Variants in DENND1A observed in about 807,000 individuals in gnomAD.
DENND1A encodes DENN domain-containing protein 1A.
In DENND1A, 51 loss-of-function variants were observed where a neutral mutation model predicts 113.7. The observed-to-expected ratio is 0.45, with a 90% confidence interval of 0.36 to 0.57. The LOEUF is 0.57. Ranked by LOEUF, DENND1A falls within the 20% of genes least tolerant of loss-of-function variation. The probability of loss-of-function intolerance (pLI) is 0.00; values close to 1 mark genes in which losing one functional copy is unlikely to be tolerated. For synonymous variants in DENND1A, 565 were observed against 570.8 expected (o/e 0.99, Z 0.14); for missense variants, 1,258 against 1,395.9 (o/e 0.90, Z 1.57).
At chr9:123,854,939 T>A (rs1035365010) in intron 2 of DENND1A, among the ~76,000 whole-genome samples, 1 of 150,974 alleles carries the variant, frequency 6.6e-6, no homozygotes, top group Non-Finnish European at 1.5e-5. Context: ...ATCCTTCATA[T>A]ACTCTAAATC....
rs1380773648 is a variant in DENND1A at position 123,411,806 on chromosome 9, T to G, written c.1512A>C (p.Arg504=). ...FGQLQRLRPT[R]PPPKIQRSRP... Reference sequence around the variant, plus strand: ...TCGAGCGCTGTATCTTGGGAGGCGGTCGGGTGGGACGCAGTCTCTGCAGCT... The same window carrying G: ...TCGAGCGCTGTATCTTGGGAGGCGGGCGGGTGGGACGCAGTCTCTGCAGCT... The change falls in exon 20 of 24, where the codon CGA becomes CGC. Residue 504 remains arginine, a synonymous_variant. Coordinates refer to ENST00000394215, the MANE Select transcript of DENND1A (RefSeq NM_001352964.2). The G allele has an allele frequency of 1.0e-6, 1 of 985,636 alleles. No homozygotes were observed. Among genetic ancestry groups the G allele is most frequent in the Non-Finnish European group, 1.2e-6 (1 of 830,018 alleles). 61.1% of individuals were successfully genotyped at this position (985,636 alleles called of 1,614,324 possible).
chr9:123,918,130 T>C (rs1440704937), intron 1 of DENND1A, among the ~76,000 whole-genome samples: 1 of 146,580 alleles, frequency 6.8e-6, no homozygotes, highest in Non-Finnish European at 1.5e-5. Flanking sequence ...AATAAATAAA[T>C]AAATAAATAA....
chr9:123,755,121 ATT>A (rs59565749), intron 5 of DENND1A, among the ~76,000 whole-genome samples: 129 of 132,752 alleles, frequency 9.7e-4, no homozygotes, highest in African/African-American at 1.4e-3. Context: ...TTATACACAG[ATT>A]TTTTTTTTTT....
At chr9:123,661,694 CAG>C (rs977764289) in intron 8 of DENND1A, among the ~76,000 whole-genome samples, 1 of 152,070 alleles carries the variant, frequency 6.6e-6, no homozygotes, top group Non-Finnish European at 1.5e-5. Flanking sequence ...ATAAAACAAA[CAG>C]AAGATAGGAA....
chr9:123,566,283 GT>G (rs1162035055), intron 12 of DENND1A, among the ~76,000 whole-genome samples: 12 of 152,108 alleles, frequency 7.9e-5, no homozygotes, highest in Admixed American at 2.0e-4. Flanking sequence ...TGAGAACATG[GT>G]TGTACCTTGA....
chr9:123,827,902 A>G (rs1266773869), intron 2 of DENND1A, among the ~76,000 whole-genome samples: 1 of 152,190 alleles, frequency 6.6e-6, no homozygotes, highest in Non-Finnish European at 1.5e-5. Flanking sequence ...AACAAAATTA[A>G]TATAAATCCT....
chr9:123,603,325 C>A (rs371049666), intron 11 of DENND1A, among the ~76,000 whole-genome samples: 1 of 152,062 alleles, frequency 6.6e-6, no homozygotes, highest in African/African-American at 2.4e-5. Flanking sequence ...ATAAATGAAT[C>A]CTATATTATT....
chr9:123,528,690 G>A (rs557819604), intron 13 of DENND1A, among the ~76,000 whole-genome samples: 2 of 152,176 alleles, frequency 1.3e-5, no homozygotes, highest in Non-Finnish European at 2.9e-5. Flanking sequence ...TCCAGAAAGG[G>A]AAATGCTCCC....
intron 18 of DENND1A, among the ~76,000 whole-genome samples, chr9:123,448,236 G>A (rs943704441): frequency 9.9e-5 from 15 of 152,280 alleles, no homozygotes; most frequent in African/African-American, 3.1e-4. Context: ...GAGAGTGGAA[G>A]GAAAGTGATC....
chr9:123,381,571 G>A lies in DENND1A; in HGVS notation c.3074C>T (p.Pro1025Leu), dbSNP rs955180567. Residue 1025 changes from proline (P) to leucine (L), a missense_variant, in exon 24 of 24, where the codon CCC (proline) becomes CTC (leucine). Physicochemically the swap from Pro to Leu is moderately conservative, Grantham distance 98. This residue lies in a region of DENND1A where 1,159 missense variants were observed against 1,231.7 expected (regional missense o/e 0.94). Coordinates refer to ENST00000394215, the MANE Select transcript of DENND1A (RefSeq NM_001352964.2). This position sits in a 1 kb window ranked among gnomAD's most constrained non-coding sequence, Gnocchi z 4.7. ...PPQGLEPTLQ[P>L]SAPQQARDPF... Reference sequence around the variant, plus strand: ...GTCTCTGGCCTGTTGAGGAGCAGAGGGCTGCAGTGTTGGCTCCAGGCCTTG... The same window carrying A: ...GTCTCTGGCCTGTTGAGGAGCAGAGAGCTGCAGTGTTGGCTCCAGGCCTTG... 1.2e-6 allele frequency: 2 copies of A among 1,613,698 alleles called. No homozygotes were observed. Among genetic ancestry groups the A allele is most frequent in the South Asian group, 2.2e-5 (2 of 91,082 alleles).
intron 13 of DENND1A, among the ~76,000 whole-genome samples, chr9:123,545,826 A>T (rs1489904183): frequency 2.0e-5 from 3 of 152,114 alleles, no homozygotes; most frequent in Admixed American, 2.0e-4. Flanking sequence ...GTCACTTAGC[A>T]CCATTTCAGG....
chr9:123,678,817 A>G (rs532257084), intron 5 of DENND1A, among the ~76,000 whole-genome samples: 1 of 152,370 alleles, frequency 6.6e-6, no homozygotes, highest in Non-Finnish European at 1.5e-5. Context: ...TTACATAGCA[A>G]ATGACTGCTG....
intron 5 of DENND1A, 147 bp from the exon 6 acceptor site, chr9:123,676,936 A>T: frequency 1.3e-6 from 1 of 751,700 alleles, no homozygotes; most frequent in Non-Finnish European, 2.2e-6. Flanking sequence ...CAAACTGGCG[A>T]AATGCTAATT....
chr9:123,815,660 ATTTAC>A (rs1274334836), intron 2 of DENND1A, among the ~76,000 whole-genome samples: 3 of 152,226 alleles, frequency 2.0e-5, no homozygotes, highest in Non-Finnish European at 4.4e-5. Context: ...TTAATTTAAT[ATTTAC>A]TTTATTACTT....
intron 11 of DENND1A, among the ~76,000 whole-genome samples, chr9:123,602,452 C>T (rs1040660339): frequency 3.3e-5 from 5 of 152,072 alleles, no homozygotes; most frequent in African/African-American, 1.2e-4. Context: ...TTGTATGTTA[C>T]CTCTCAGAGC....
intron 2 of DENND1A, among the ~76,000 whole-genome samples, chr9:123,830,037 G>T (rs1005998280): frequency 5.3e-5 from 8 of 152,144 alleles, no homozygotes; most frequent in Non-Finnish European, 8.8e-5. Flanking sequence ...ACACAAAGGA[G>T]ATGTCTTAAT....
chr9:123,545,677 C>T lies in DENND1A; in HGVS notation c.993+11893G>A, dbSNP rs1000062866. 3.9e-5 allele frequency among the ~76,000 whole-genome samples: 6 copies of T among 152,132 alleles called. No homozygotes were observed. The South Asian group carries it at 1.2e-3, about 32-fold the overall frequency. The stretch of plus-strand genomic sequence containing the variant: ...AGAGACGGGGTTTCACTGTGTTAGC[C>T]AGGATGGTCTTGATCTCCTGACCTC... On this transcript the variant is annotated intron_variant, in intron 13 of 23. Transcript: ENST00000394215.
chr9:123,403,383 G>A lies in DENND1A; in HGVS notation c.1631+19C>T. The A allele has an allele frequency of 6.2e-7, 1 of 1,613,094 alleles. No homozygotes were observed. The highest frequency in any genetic ancestry group is 8.5e-7 in the Non-Finnish European group (1 of 1,179,322). On this transcript the variant is annotated intron_variant, in intron 21 of 23. Coordinates refer to ENST00000394215, the MANE Select transcript of DENND1A (RefSeq NM_001352964.2). ...GACACAGGGTTCTTACAGACAGAGG[G>A]GAGAGGCACAATACTCACTGCTCAG...
At chr9:123,763,546 G>A (rs1203769889) in intron 4 of DENND1A, among the ~76,000 whole-genome samples, 7 of 152,116 alleles carry the variant, frequency 4.6e-5, no homozygotes, top group South Asian at 2.1e-4. Flanking sequence ...CAGAGGAAAC[G>A]TTTGGATTGA....
Sources: allele counts gnomAD v4.1 joint callset (sites outside exome capture counted in the v4.1 genomes callset), GRCh38; gene constraint gnomAD v4.1.1; regional missense constraint gnomAD v4.1.1; non-coding constraint Gnocchi (gnomAD v3.1); transcripts MANE v1.5; gene names NCBI Gene and HGNC (gene_info 2026-07-23, HGNC 2026-07-21).